ATP6V1B2: variants seen among roughly 807,000 people sequenced by gnomAD.
The protein encoded by ATP6V1B2 is V-type proton ATPase subunit B, brain isoform.
A neutral mutation model predicts 66.7 loss-of-function variants in ATP6V1B2; 23 were observed. The ratio of observed to expected loss-of-function variants is 0.34; its 90% confidence interval spans 0.25 to 0.49. The LOEUF is 0.49. ATP6V1B2 is among the 20% of genes least tolerant of loss of function. ATP6V1B2 has a pLI of 0.99. For synonymous variants in ATP6V1B2, 278 were observed against 236.7 expected (o/e 1.17, Z -1.60); for missense variants, 478 against 650.8 (o/e 0.73, Z 2.89).
rs11356003 is a variant in ATP6V1B2, at chr8:20,199,604, G to GTTT, written c.136+2082_136+2084dup. On this transcript the variant is annotated intron_variant, in intron 1 of 13. Transcript: ENST00000276390. ...TTGATTAACCTCTTAATTTTTGTGG[G>GTTT]TTTTTTTTTTTTTTTTTTTTTTGAG... 3.0e-3 allele frequency among the ~76,000 whole-genome samples: 262 copies of GTTT among 87,590 alleles called. 2 individuals are homozygous for GTTT. Among genetic ancestry groups the GTTT allele is most frequent in the Middle Eastern group, 0.01 (1 of 98 alleles). 57.5% of individuals were successfully genotyped at this position (87,590 alleles called of 152,430 possible). A position where few individuals can be genotyped will look rare whatever the true frequency, so the allele number is the denominator to read the frequency against.
rs975987071 is a variant in ATP6V1B2 at position 20,211,855 on chromosome 8, A to C, written c.705+102A>C. ...ATATAGTTGAATTTTTCTTTAGGTAAAGAATTTGCAATCTGGCATTTTGGC... is the reference window on the plus strand; with the variant it reads ...ATATAGTTGAATTTTTCTTTAGGTACAGAATTTGCAATCTGGCATTTTGGC... On this transcript the variant is annotated intron_variant, in intron 7 of 13. Transcript: ENST00000276390. The C allele has an allele frequency of 3.9e-6, 4 of 1,019,950 alleles. No homozygotes were observed. The African/African-American group carries it at 6.6e-5, about 17-fold the overall frequency. 63.2% of individuals were successfully genotyped at this position (1,019,950 alleles called of 1,614,324 possible).
At chr8:20,217,532 A>T (rs1325031182) in intron 12 of ATP6V1B2, among the ~76,000 whole-genome samples, 1 of 152,150 alleles carries the variant, frequency 6.6e-6, no homozygotes, top group Non-Finnish European at 1.5e-5. Flanking sequence ...TTAGCTTGAA[A>T]CCCATGTCTA....
At chr8:20,212,289 C>G in intron 8 of ATP6V1B2, 90 bp downstream of exon 8, 2 of 1,204,578 alleles carry the variant, frequency 1.7e-6, no homozygotes, top group South Asian at 2.6e-5. Context: ...GTAATAACAG[C>G]ATTTGGACCT....
chr8:20,204,646 A>G, intron 2 of ATP6V1B2, 107 bp downstream of exon 2: 1 of 912,474 alleles, frequency 1.1e-6, no homozygotes, highest in South Asian at 1.8e-5. Flanking sequence ...CATACTTTAG[A>G]CTGGGTGTCA....
intron 6 of ATP6V1B2, 136 bp from the exon 7 acceptor site, chr8:20,211,516 A>G: frequency 1.6e-6 from 2 of 1,268,368 alleles, no homozygotes; most frequent in Non-Finnish European, 2.1e-6. Flanking sequence ...AGTACAAAAT[A>G]GTTTTGTTGA....
chr8:20,197,424 G>T lies in ATP6V1B2; in HGVS notation c.18G>T (p.Met6Ile), dbSNP rs1450827536. The change falls in exon 1 of 14, where the codon ATG (methionine) becomes ATT (isoleucine). Residue 6 changes from methionine (M) to isoleucine (I), a missense_variant. Physicochemically the swap from Met to Ile is conservative, Grantham distance 10. This residue lies in a region of ATP6V1B2 where 152 missense variants were observed against 105.2 expected (regional missense o/e 1.44). Transcript: ENST00000276390. MALRAMRGIVNGAAPE... is the reference protein window; with the variant it reads MALRAIRGIVNGAAPE... ...GAGACAAGATGGCGCTGCGGGCGATGCGGGGGATTGTCAACGGGGCCGCAC... is the reference window on the plus strand; with the variant it reads ...GAGACAAGATGGCGCTGCGGGCGATTCGGGGGATTGTCAACGGGGCCGCAC... 1.9e-6 allele frequency: 3 copies of T among 1,544,362 alleles called. No individual in the cohort carries two copies. The highest frequency in any genetic ancestry group is 1.9e-5 in the Admixed American group (1 of 51,570).
At chr8:20,207,722 A>T (rs1472520399) in intron 2 of ATP6V1B2, among the ~76,000 whole-genome samples, 1 of 145,310 alleles carries the variant, frequency 6.9e-6, no homozygotes, top group Admixed American at 6.9e-5. Context: ...CTTAAAGTAT[A>T]AAAAAAAAAA....
intron 7 of ATP6V1B2, 98 bp from the exon 8 acceptor site, chr8:20,212,004 A>G: frequency 8.2e-7 from 1 of 1,213,138 alleles, no homozygotes; most frequent in Non-Finnish European, 1.2e-6. Context: ...TTGAGGTTTT[A>G]AAAGAAGGAA....
intron 5 of ATP6V1B2, 45 bp downstream of exon 5, chr8:20,210,691 C>G: frequency 6.5e-7 from 1 of 1,548,836 alleles, no homozygotes; most frequent in East Asian, 2.2e-5. Context: ...AAAATAACCT[C>G]ACTCTGTCTT....
At chr8:20,201,195 G>A (rs1307881141) in intron 1 of ATP6V1B2, among the ~76,000 whole-genome samples, 1 of 152,180 alleles carries the variant, frequency 6.6e-6, no homozygotes, top group Admixed American at 6.5e-5. Context: ...CTTCTGTGTT[G>A]TCAGAAGTTC....
intron 10 of ATP6V1B2, chr8:20,216,167 G>A (rs2072852493): frequency 3.3e-6 from 1 of 306,500 alleles, no homozygotes. Context: ...TTGAAATTAA[G>A]TTTTTCAGTT....
chr8:20,206,793 G>T (rs1011839858), intron 2 of ATP6V1B2, among the ~76,000 whole-genome samples: 3 of 152,046 alleles, frequency 2.0e-5, no homozygotes, highest in African/African-American at 7.2e-5. Context: ...TTCCAGTACC[G>T]CTACTCTGTC....
Position 20,209,475 on chromosome 8 carries a change from G to A in ATP6V1B2, c.235G>A (p.Gly79Ser). 2 of 1,613,980 alleles carry A rather than the reference G, an allele frequency of 1.2e-6. No individual in the cohort carries two copies. The highest frequency in any genetic ancestry group is 1.1e-5 in the South Asian group (1 of 91,082). ...AATTGTCCATTTGACCTTACCGGAT[G>A]GCACAAAGAGAAGTGGGCAAGTTCT... ...AEIVHLTLPDGTKRSGQVLEV... is the reference protein window; with the variant it reads ...AEIVHLTLPDSTKRSGQVLEV... The change falls in exon 3 of 14, where the codon GGC (glycine) becomes AGC (serine). Residue 79 changes from glycine (G) to serine (S), a missense_variant. Transcript: ENST00000276390.
At chr8:20,202,194 C>A (rs536919324) in intron 1 of ATP6V1B2, among the ~76,000 whole-genome samples, 1 of 152,104 alleles carries the variant, frequency 6.6e-6, no homozygotes, top group African/African-American at 2.4e-5. Context: ...ATAATTCTTA[C>A]AAGATACCAT....
chr8:20,221,390 G>C lies in ATP6V1B2; in HGVS notation c.*988G>C, dbSNP rs564083044. 3 of 152,602 alleles carry C rather than the reference G, an allele frequency of 2.0e-5. No individual in the cohort carries two copies. The highest frequency in any genetic ancestry group is 4.1e-4 in the South Asian group (2 of 4,820). 9.5% of individuals were successfully genotyped at this position (152,602 alleles called of 1,614,324 possible). On this transcript the variant is annotated 3_prime_UTR_variant, in exon 14 of 14. Coordinates refer to ENST00000276390, the MANE Select transcript of ATP6V1B2 (RefSeq NM_001693.4). The stretch of plus-strand genomic sequence containing the variant: ...TCTCTACCTTTTCAGGGTAATCTTT[G>C]TGGCACAAACGATAGCATTTCCAAG...
intron 1 of ATP6V1B2, among the ~76,000 whole-genome samples, chr8:20,201,211 A>T (rs886771264): frequency 6.6e-6 from 1 of 152,226 alleles, no homozygotes; most frequent in Admixed American, 6.5e-5. Flanking sequence ...AGTTCTGATT[A>T]TCCCCCATTC....
chr8:20,199,184 G>A (rs919376703), intron 1 of ATP6V1B2, among the ~76,000 whole-genome samples: 3 of 152,202 alleles, frequency 2.0e-5, no homozygotes, highest in African/African-American at 4.8e-5. Context: ...TGGTTTGTAC[G>A]TACTTACCCA....
At position 20,221,109 on chromosome 8, in the gene ATP6V1B2, T is replaced by C. The variant is rs1291128571; in HGVS notation, c.*707T>C. On this transcript the variant is annotated 3_prime_UTR_variant, in exon 14 of 14. Coordinates refer to ENST00000276390, the MANE Select transcript of ATP6V1B2 (RefSeq NM_001693.4). ...TGAGACCCCTTGTCTTGGTGATCCT[T>C]ACTGGGTTTCCAAGCAGAGGAGTCA... The C allele has an allele frequency of 3.3e-5, 5 of 152,200 alleles. No homozygotes were observed. Among genetic ancestry groups the C allele is most frequent in the African/African-American group, 1.2e-4 (5 of 41,450 alleles). The allele number at this position is 152,200 out of a possible 1,614,324, so 9.4% of individuals were successfully genotyped here. A position where few individuals can be genotyped will look rare whatever the true frequency, so the allele number is the denominator to read the frequency against.
At chr8:20,209,286 G>T in intron 2 of ATP6V1B2, 147 bp from the exon 3 acceptor site, 1 of 667,946 alleles carries the variant, frequency 1.5e-6, no homozygotes, top group Admixed American at 2.6e-5. Flanking sequence ...ACTACCTGAG[G>T]GTATTGAAAG....
Sources: gnomAD v4.1 joint callset for allele counts (sites outside exome capture counted in the v4.1 genomes callset) on GRCh38, gnomAD v4.1.1 for gene constraint, gnomAD v4.1.1 regional missense constraint, MANE v1.5 for transcripts, NCBI Gene and HGNC (gene_info 2026-07-23, HGNC 2026-07-21) for gene names.